Variants in CDH2 observed in about 807,000 individuals in gnomAD.
CDH2 encodes the protein cadherin-2.
In CDH2, 17 loss-of-function variants were observed where a neutral mutation model predicts 92.0. That is an observed-to-expected ratio of 0.18 (90% confidence interval 0.13 to 0.28). The LOEUF (loss-of-function observed/expected upper bound fraction) is 0.28. CDH2 is among the 10% of genes least tolerant of loss of function. The pLI is 1.00. For synonymous variants in CDH2, 419 were observed against 415.9 expected, an observed-to-expected ratio of 1.01 and a Z score of -0.09; for missense variants, 862 against 1,133.1, an observed-to-expected ratio of 0.76 and a Z score of 3.44.
At chr18:28,023,834 T>G (rs2013475917) in intron 2 of CDH2, among the ~76,000 whole-genome samples, 1 of 152,192 alleles carries the variant, frequency 6.6e-6, no homozygotes, top group Non-Finnish European at 1.5e-5. Context: ...CTACGATGTG[T>G]GACATGCCCT....
intron 2 of CDH2, among the ~76,000 whole-genome samples, chr18:28,032,774 C>T (rs962785815): frequency 5.9e-5 from 9 of 151,906 alleles, no homozygotes; most frequent in African/African-American, 2.2e-4. Flanking sequence ...GTACTGATGC[C>T]CAAAGCTCTT....
intron 2 of CDH2, among the ~76,000 whole-genome samples, chr18:28,053,104 G>C (rs1028998697): frequency 2.6e-5 from 4 of 152,088 alleles, no homozygotes; most frequent in Admixed American, 2.0e-4. Context: ...AACTAAACCT[G>C]CTGGCACCTT....
Position 28,168,098 on chromosome 18 carries a change from A to T in CDH2, c.60+8865T>A, listed in dbSNP as rs17536905. Reference sequence around the variant, plus strand: ...GATTACATCCCCTTTCAATTTAGTAAATGTAATTTTTTTTAGTCCTTTATT... The same window carrying T: ...GATTACATCCCCTTTCAATTTAGTATATGTAATTTTTTTTAGTCCTTTATT... On this transcript the variant is annotated intron_variant, in intron 1 of 15. Transcript: ENST00000269141. Among the ~76,000 whole-genome samples the T allele has an allele frequency of 3.2e-3, 484 of 152,216 alleles. 5 individuals are homozygous for T. Among genetic ancestry groups the T allele is most frequent in the African/African-American group, 0.011 (460 of 41,540 alleles).
In CDH2 at chr18:28,147,767, A is replaced by G. The variant is rs1173060009; in HGVS notation, c.78T>C (p.Ser26=). The G allele has an allele frequency of 6.2e-7, 1 of 1,609,442 alleles. No homozygotes were observed. The highest frequency in any genetic ancestry group is 8.5e-7 in the Non-Finnish European group (1 of 1,177,110). The change falls in exon 2 of 16, where the codon TCT becomes TCC. Residue 26 remains serine (S), a synonymous_variant. Coordinates refer to ENST00000269141, the MANE Select transcript of CDH2 (RefSeq NM_001792.5). The part of the protein sequence containing the change: ...AALLQASVEA[S]GEIALCKTGF... Reference sequence around the variant, plus strand: ...CAGTCTTGCATAATGCGATTTCACCAGAAGCCTCTACAGACGCCTGCAACA... The same window carrying G: ...CAGTCTTGCATAATGCGATTTCACCGGAAGCCTCTACAGACGCCTGCAACA...
Position 28,080,524 on chromosome 18 carries a change from A to ATT in CDH2, c.173-66616_173-66615insAA, listed in dbSNP as rs1370351565. Among the ~76,000 whole-genome samples, 3 of 152,348 alleles carry ATT rather than the reference A, an allele frequency of 2.0e-5. No homozygotes were observed. In the East Asian group the frequency reaches 5.8e-4, roughly 29 times the overall value. On this transcript the variant is annotated intron_variant, in intron 2 of 15. Coordinates refer to ENST00000269141, the MANE Select transcript of CDH2 (RefSeq NM_001792.5). The stretch of plus-strand genomic sequence containing the variant: ...AATTAACAAAGCATAAGACAACAGA[A>ATT]AAAGAAATACTTAAAAAAACCTGGA...
At chr18:28,034,893 G>C (rs2013788194) in intron 2 of CDH2, among the ~76,000 whole-genome samples, 1 of 152,016 alleles carries the variant, frequency 6.6e-6, no homozygotes, top group Non-Finnish European at 1.5e-5. Context: ...AAAAGTAATG[G>C]ATGTCAAATG....
intron 14 of CDH2, among the ~76,000 whole-genome samples, chr18:27,969,079 G>A (rs934983189): frequency 3.3e-5 from 5 of 152,174 alleles, no homozygotes; most frequent in Admixed American, 1.3e-4. Context: ...CTTCCCCAGT[G>A]AAATATCGTT....
chr18:28,142,623 A>G (rs1404577390), intron 2 of CDH2, among the ~76,000 whole-genome samples: 8 of 151,976 alleles, frequency 5.3e-5, no homozygotes, highest in Admixed American at 1.3e-4. Flanking sequence ...GAGAATGTAC[A>G]GGATGACATT....
At chr18:28,047,595 G>A (rs920722429) in intron 2 of CDH2, among the ~76,000 whole-genome samples, 1 of 152,072 alleles carries the variant, frequency 6.6e-6, no homozygotes, top group Non-Finnish European at 1.5e-5. Context: ...CTGGCCGGGC[G>A]CGGTGGCTCA....
chr18:28,043,461 AATATATAT>A lies in CDH2; in HGVS notation c.173-29560_173-29553del, dbSNP rs1158754890. ...ACCCTAAAAATTACTGATATAAATA[AATATATAT>A]ATATATATATATATATATATATATA... On this transcript the variant is annotated intron_variant, in intron 2 of 15. Transcript: ENST00000269141. Among the ~76,000 whole-genome samples the A allele has an allele frequency of 8.0e-3, 579 of 71,936 alleles. 12 individuals carry two copies. The highest frequency in any genetic ancestry group is 0.029 in the African/African-American group (501 of 17,258). 47.2% of individuals were successfully genotyped at this position (71,936 alleles called of 152,430 possible).
chr18:27,941,160 C>T (rs1284157684), intron 6 of CDH2, among the ~76,000 whole-genome samples: 16 of 151,808 alleles, frequency 1.1e-4, no homozygotes, highest in South Asian at 6.2e-4. Context: ...CTCAGCCTCC[C>T]GAGCAGCTGG....
chr18:28,155,760 AT>A (rs1265111491), intron 1 of CDH2, among the ~76,000 whole-genome samples: 1 of 152,160 alleles, frequency 6.6e-6, no homozygotes, highest in African/African-American at 2.4e-5. Flanking sequence ...TAATTTTTTT[AT>A]TTTTTAATCC....
chr18:28,046,515 CA>C (rs1046929299), intron 2 of CDH2, among the ~76,000 whole-genome samples: 3 of 151,986 alleles, frequency 2.0e-5, no homozygotes, highest in Non-Finnish European at 4.4e-5. Flanking sequence ...AGAATATAAA[CA>C]AAAGTCATAA....
At chr18:27,990,763 T>C (rs1298325330) in intron 9 of CDH2, among the ~76,000 whole-genome samples, 9 of 152,334 alleles carry the variant, frequency 5.9e-5, no homozygotes, top group Non-Finnish European at 1.2e-4. Flanking sequence ...AGGAAAGCTT[T>C]CACCAGTCTA....
chr18:27,934,883 C>T lies in CDH2; in HGVS notation c.1152-1759G>A, dbSNP rs975952054. ...CTTTCCTTTATTTCAAATTCCTACT[C>T]AGCTTTTTATAACCCAAGACATAAA... On this transcript the variant is annotated intron_variant, in intron 6 of 6. Transcript: ENST00000675173. Among the ~76,000 whole-genome samples the T allele has an allele frequency of 4.6e-5, 7 of 152,130 alleles. No individual in the cohort carries two copies. In the East Asian group the frequency reaches 1.3e-3, roughly 29 times the overall value.
chr18:28,169,654 C>T (rs2016435946), intron 1 of CDH2, among the ~76,000 whole-genome samples: 1 of 151,738 alleles, frequency 6.6e-6, no homozygotes, highest in African/African-American at 2.4e-5. Flanking sequence ...GGTAAGTACA[C>T]TATCTAATTT....
intron 2 of CDH2, among the ~76,000 whole-genome samples, chr18:28,033,107 A>G (rs1157019054): frequency 2.0e-5 from 3 of 152,092 alleles, no homozygotes; most frequent in Non-Finnish European, 4.4e-5. Context: ...TAATCCCAGT[A>G]GGGTATAGAC....
intron 1 of CDH2, among the ~76,000 whole-genome samples, chr18:28,174,781 C>T (rs1355415541): frequency 6.6e-6 from 1 of 152,268 alleles, no homozygotes; most frequent in Middle Eastern, 3.4e-3. Context: ...CTCTTCGTGT[C>T]CTAACTTCGC....
chr18:28,168,575 A>G, intron 1 of CDH2: 1 of 379,568 alleles, frequency 2.6e-6, no homozygotes, highest in Non-Finnish European at 3.6e-6. Flanking sequence ...TCCAAGATTC[A>G]TTAAAAAAAA....
Sources: allele counts gnomAD v4.1 joint callset (sites outside exome capture counted in the v4.1 genomes callset), GRCh38; gene constraint gnomAD v4.1.1; transcripts MANE v1.5; gene names NCBI Gene and HGNC (gene_info 2026-07-23, HGNC 2026-07-21).